Variants in ANKRD1 observed in about 807,000 individuals in gnomAD.
ANKRD1 encodes ankyrin repeat domain-containing protein 1.
In ANKRD1, 32 loss-of-function variants were observed where a neutral mutation model predicts 40.1. That is an observed-to-expected ratio of 0.80 (90% CI 0.60 to 1.07). ANKRD1 has a LOEUF of 1.07. Ranked by LOEUF, ANKRD1 falls within the 50% of genes least tolerant of loss-of-function variation. The pLI is 0.00. For synonymous variants in ANKRD1, 149 were observed against 141.2 expected (o/e 1.06, Z -0.39); for missense variants, 359 against 386.0 (o/e 0.93, Z 0.59).
intron 3 of ANKRD1, 35 bp downstream of exon 3, chr10:90,919,096 C>T: frequency 6.2e-7 from 1 of 1,611,088 alleles, no homozygotes; most frequent in East Asian, 2.2e-5. Context: ...CAACACTGGA[C>T]ATGTATTACT....
chr10:90,919,479 A>T (rs1453639941), intron 2 of ANKRD1, among the ~76,000 whole-genome samples: 1 of 152,206 alleles, frequency 6.6e-6, no homozygotes, highest in Non-Finnish European at 1.5e-5. Flanking sequence ...AATTGCCATC[A>T]TCTTTACTTC....
At position 90,920,174 on chromosome 10, in the gene ANKRD1, C is replaced by T. The variant is rs200249746; in HGVS notation, c.202G>A (p.Ala68Thr). The change falls in exon 2 of 9, where the codon GCA becomes ACA. Residue 68 changes from alanine to threonine, a missense_variant. Physicochemically the swap from Ala to Thr is moderately conservative, Grantham distance 58. Transcript: ENST00000371697. ...QQWKSEKQRE[A>T]ELKKKKLEQR... Reference sequence around the variant, plus strand: ...ATTCCACAGATGGCTCTCACCTCTGCCTCTCGTTGTTTCTCGCTTTTCCAC... The same window carrying T: ...ATTCCACAGATGGCTCTCACCTCTGTCTCTCGTTGTTTCTCGCTTTTCCAC... The T allele has an allele frequency of 1.2e-6, 2 of 1,613,514 alleles. No individual in the cohort carries two copies. The highest frequency in any genetic ancestry group is 1.7e-6 in the Non-Finnish European group (2 of 1,180,014).
Position 90,919,153 on chromosome 10 carries a change from T to C in ANKRD1, c.323A>G (p.Lys108Arg). Residue 108 changes from lysine to arginine, a missense_variant, in exon 3 of 9, where the codon AAG (lysine) becomes AGG (arginine). Physicochemically the swap from Lys to Arg is conservative, Grantham distance 26 (BLOSUM62 2). Coordinates refer to ENST00000371697, the MANE Select transcript of ANKRD1 (RefSeq NM_014391.3). Reference protein sequence around the residue: ...KYRKTKVPVVKEPEPEIITEP... With the variant: ...KYRKTKVPVVREPEPEIITEP... ...TACAATGATTTCAGGTTCTGGTTCCTTTACAACTGGAACTTTAGTTTTCCT... is the reference window on the plus strand; with the variant it reads ...TACAATGATTTCAGGTTCTGGTTCCCTTACAACTGGAACTTTAGTTTTCCT... 3 of 1,613,526 alleles carry C rather than the reference T, an allele frequency of 1.9e-6. No individual in the cohort carries two copies. The highest frequency in any genetic ancestry group is 2.5e-6 in the Non-Finnish European group (3 of 1,179,872).
Position 90,912,911 on chromosome 10 carries a change from GC to G in ANKRD1, c.914del (p.Ser305ThrfsTer12). On this transcript the variant is annotated frameshift_variant, in exon 9 of 9. Coordinates refer to ENST00000371697, the MANE Select transcript of ANKRD1 (RefSeq NM_014391.3). LOFTEE classifies it high-confidence loss of function. ...WQNGTKAIFDSLRENSYKTSR... is the reference protein window; with the variant it reads ...WQNGTKAIFDXLRENSYKTSR... ...AGGTCTTGTAGGAGTTCTCTCTGAGGCTGTCGAATATTGCTTTGGTTCCATT... is the reference window on the plus strand; with the variant it reads ...AGGTCTTGTAGGAGTTCTCTCTGAGGTGTCGAATATTGCTTTGGTTCCATT... 1.2e-6 allele frequency: 2 copies of G among 1,614,084 alleles called. No homozygotes were observed. The highest frequency in any genetic ancestry group is 1.7e-6 in the Non-Finnish European group (2 of 1,179,950).
chr10:90,914,722 C>G, intron 8 of ANKRD1, among the ~76,000 whole-genome samples: 1 of 20,710 alleles, frequency 4.8e-5, no homozygotes, highest in South Asian at 3.2e-3. Context: ...AGTTTCCCTC[C>G]CCCCCCCCCC....
intron 8 of ANKRD1, among the ~76,000 whole-genome samples, chr10:90,914,185 T>G (rs1238132044): frequency 6.6e-6 from 1 of 152,226 alleles, no homozygotes; most frequent in Non-Finnish European, 1.5e-5. Flanking sequence ...CTCCTTAAGA[T>G]GGCATCAATA....
At position 90,919,324 on chromosome 10, in the gene ANKRD1, G is replaced by T. The variant is rs28730750; in HGVS notation, c.208-56C>A. On this transcript the variant is annotated intron_variant, in intron 2 of 8. Transcript: ENST00000371697. ...GGTGAGTTCTACTGACAAGCATTCT[G>T]GTTGTGTCTAAACTAAATCTGCAAG... The T allele has an allele frequency of 8.0e-4, 1,220 of 1,519,006 alleles. 1 individual carries two copies. The highest frequency in any genetic ancestry group is 9.4e-4 in the Non-Finnish European group (1,046 of 1,116,138). The allele number at this position is 1,519,006 out of a possible 1,614,324, so 94.1% of individuals were successfully genotyped here.
chr10:90,915,956 G>T, intron 6 of ANKRD1, 76 bp from the exon 7 acceptor site: 1 of 1,465,156 alleles, frequency 6.8e-7, no homozygotes. Flanking sequence ...ACATGTGCGA[G>T]GGGGAGAAGT....
Position 90,915,596 on chromosome 10 carries a change from T to C in ANKRD1, c.796A>G (p.Lys266Glu), listed in dbSNP as rs759544911. Residue 266 changes from lysine to glutamate, a missense_variant, in exon 8 of 9, where the codon AAG becomes GAG. Transcript: ENST00000371697. Reference sequence around the variant, plus strand: ...TACATAATCAGGAGTCGGATCATCTTATAGCGGTTCAGTCTCACCGCATCA... The same window carrying C: ...TACATAATCAGGAGTCGGATCATCTCATAGCGGTTCAGTCTCACCGCATCA... The part of the protein sequence containing the change: ...LHDAVRLNRY[K>E]MIRLLIMYGA... The C allele has an allele frequency of 6.2e-7, 1 of 1,614,064 alleles. No individual in the cohort carries two copies. The highest frequency in any genetic ancestry group is 2.2e-5 in the East Asian group (1 of 44,852).
Position 90,912,980 on chromosome 10 carries a change from A to G in ANKRD1, c.850-4T>C. Reference sequence around the variant, plus strand: ...GATCCATCGGCGTCTTCCCAGCCTAATCAAATGAGATAAGGAAAGTTGACT... The same window carrying G: ...GATCCATCGGCGTCTTCCCAGCCTAGTCAAATGAGATAAGGAAAGTTGACT... On this transcript the variant is annotated splice_polypyrimidine_tract_variant and splice_region_variant and intron_variant, in intron 8 of 8. Coordinates refer to ENST00000371697, the MANE Select transcript of ANKRD1 (RefSeq NM_014391.3). 6.2e-7 allele frequency: 1 copy of G among 1,613,668 alleles called. No homozygotes were observed. Among genetic ancestry groups the G allele is most frequent in the Non-Finnish European group, 8.5e-7 (1 of 1,179,570 alleles).
chr10:90,915,554 T>C lies in ANKRD1; in HGVS notation c.838A>G (p.Ile280Val), dbSNP rs144770680. Residue 280 changes from isoleucine (I) to valine (V), a missense_variant, in exon 8 of 9, where the codon ATC (isoleucine) becomes GTC (valine). Coordinates refer to ENST00000371697, the MANE Select transcript of ANKRD1 (RefSeq NM_014391.3). ...TTTCCAGTACTTACACAGTTCTTGA[T>C]GTTGAGATCCGCGCCATACATAATC... ...LLIMYGADLN[I>V]KNCAGKTPMD... The C allele has an allele frequency of 6.1e-5, 98 of 1,613,838 alleles. No homozygotes were observed. Among genetic ancestry groups the C allele is most frequent in the Non-Finnish European group, 7.9e-5 (93 of 1,179,886 alleles).
At chr10:90,916,759 ATGTAT>A (rs1847378126) in intron 5 of ANKRD1, among the ~76,000 whole-genome samples, 1 of 152,198 alleles carries the variant, frequency 6.6e-6, no homozygotes. Context: ...TTCTAAACAC[ATGTAT>A]TTAAAAATTT....
chr10:90,917,604 A>G, intron 5 of ANKRD1, 128 bp downstream of exon 5: 1 of 760,880 alleles, frequency 1.3e-6, no homozygotes, highest in Non-Finnish European at 2.2e-6. Flanking sequence ...ATTTGGAGAA[A>G]TGAGCTTTTG....
At chr10:90,920,901 T>C in intron 1 of ANKRD1, 100 bp downstream of exon 1, 1 of 1,139,844 alleles carries the variant, frequency 8.8e-7, no homozygotes, top group Non-Finnish European at 1.3e-6. Flanking sequence ...ATTTTCAGAG[T>C]TCCCTTGCAT....
In ANKRD1 at chr10:90,914,725, C is replaced by A. The variant is rs868090494; in HGVS notation, c.849+818G>T. ...ATATGATGACTGAGTTTCCCTCCCC[C>A]CCCCCCCACTCTTTTTTGTAAAGTG... On this transcript the variant is annotated intron_variant, in intron 8 of 8. Coordinates refer to ENST00000371697, the MANE Select transcript of ANKRD1 (RefSeq NM_014391.3). 6.8e-5 allele frequency among the ~76,000 whole-genome samples: 8 copies of A among 117,050 alleles called. No homozygotes were observed. In the East Asian group the frequency reaches 1.4e-3, roughly 21 times the overall value. The allele number at this position is 117,050 out of a possible 152,430, so 76.8% of individuals were successfully genotyped here. A position where few individuals can be genotyped will look rare whatever the true frequency, so the allele number is the denominator to read the frequency against.
chr10:90,913,591 C>G (rs1002283626), intron 8 of ANKRD1, among the ~76,000 whole-genome samples: 1 of 152,114 alleles, frequency 6.6e-6, no homozygotes, highest in Non-Finnish European at 1.5e-5. Flanking sequence ...TTTGATTTCC[C>G]TTATGCACGT....
Position 90,912,791 on chromosome 10 carries a change from G to T in ANKRD1, c.*75C>A. On this transcript the variant is annotated 3_prime_UTR_variant, in exon 9 of 9. Transcript: ENST00000371697. Reference sequence around the variant, plus strand: ...TGATAAATAGAAACTAGATTTTATGGCTAGTGTCTCTTCTCTTGGGCCATG... The same window carrying T: ...TGATAAATAGAAACTAGATTTTATGTCTAGTGTCTCTTCTCTTGGGCCATG... 7.6e-7 allele frequency: 1 copy of T among 1,310,132 alleles called. No individual in the cohort carries two copies. The highest frequency in any genetic ancestry group is 1.1e-6 in the Non-Finnish European group (1 of 904,146). 81.2% of individuals were successfully genotyped at this position (1,310,132 alleles called of 1,614,324 possible). A position where few individuals can be genotyped will look rare whatever the true frequency, so the allele number is the denominator to read the frequency against.
chr10:90,916,601 C>A (rs544784895), intron 5 of ANKRD1, among the ~76,000 whole-genome samples: 2 of 152,272 alleles, frequency 1.3e-5, no homozygotes, highest in East Asian at 3.9e-4. Context: ...GTAGGTGTTG[C>A]TATGCACATT....
chr10:90,917,907 C>A, intron 4 of ANKRD1, 77 bp from the exon 5 acceptor site: 1 of 1,197,070 alleles, frequency 8.4e-7, no homozygotes, highest in Non-Finnish European at 1.2e-6. Context: ...AGCTATGAAG[C>A]TGGAGATTCT....
Sources: gnomAD v4.1 joint callset for allele counts (sites outside exome capture counted in the v4.1 genomes callset) on GRCh38, gnomAD v4.1.1 for gene constraint, MANE v1.5 for transcripts, NCBI Gene and HGNC (gene_info 2026-07-23, HGNC 2026-07-21) for gene names.